Variants in CAGE1 observed in about 807,000 individuals in gnomAD.
The protein encoded by CAGE1 is cancer antigen 1, also known as cancer-associated gene 1 protein.
CAGE1 carries 66 observed loss-of-function variants against 94.9 expected under a neutral mutation model. The ratio of observed to expected loss-of-function variants is 0.70; its 90% CI spans 0.57 to 0.85. The LOEUF (loss-of-function observed/expected upper bound fraction) is 0.85, where lower values mean the gene tolerates loss of function less well. Ranked by LOEUF, CAGE1 falls within the 40% of genes least tolerant of loss-of-function variation. The pLI, the probability that CAGE1 is intolerant of heterozygous loss-of-function variation, is 0.00. For synonymous variants in CAGE1, 319 were observed against 321.0 expected (o/e 0.99, Z 0.07); for missense variants, 865 against 950.4 (o/e 0.91, Z 1.18).
At chr6:7,354,636 C>G (rs1200851789) in intron 11 of CAGE1, among the ~76,000 whole-genome samples, 1 of 152,120 alleles carries the variant, frequency 6.6e-6, no homozygotes, top group East Asian at 1.9e-4. Flanking sequence ...GTGTTTCATG[C>G]TGAATCCCAT....
chr6:7,331,850 CATGACTT>C (rs1157683132), intron 12 of CAGE1, among the ~76,000 whole-genome samples: 1 of 152,214 alleles, frequency 6.6e-6, no homozygotes, highest in African/African-American at 2.4e-5. Flanking sequence ...GCTGAACAAA[CATGACTT>C]ATGACAAAAC....
At chr6:7,327,701 C>T (rs1758582693) in intron 13 of CAGE1, among the ~76,000 whole-genome samples, 2 of 152,078 alleles carry the variant, frequency 1.3e-5, no homozygotes, top group Non-Finnish European at 2.9e-5. Flanking sequence ...GAGGCTGAGG[C>T]AGGCGGACCA....
chr6:7,387,448 G>A (rs1057007901), intron 1 of CAGE1, among the ~76,000 whole-genome samples: 1 of 152,106 alleles, frequency 6.6e-6, no homozygotes, highest in Non-Finnish European at 1.5e-5. Flanking sequence ...TAGAAGTGAA[G>A]GGATCTCTGT....
In CAGE1 at chr6:7,339,318, A is replaced by G; in HGVS notation, c.2370-5228T>C. The G allele has an allele frequency of 6.3e-7, 1 of 1,588,880 alleles. No individual in the cohort carries two copies. The highest frequency in any genetic ancestry group is 8.6e-7 in the Non-Finnish European group (1 of 1,157,520). On this transcript the variant is annotated intron_variant, in intron 11 of 13. Coordinates refer to ENST00000502583, the MANE Select transcript of CAGE1 (RefSeq NM_001170692.2). This position sits in a 1 kb window ranked among gnomAD's most constrained non-coding sequence, Gnocchi z 4.7. ...GGCCACCTCTTCAGCATAAAGCTCT[A>G]CACTGCCCTCTGGAGAGCCAAACCT...
intron 7 of CAGE1, among the ~76,000 whole-genome samples, chr6:7,366,726 T>C (rs1285438336): frequency 6.6e-6 from 1 of 152,112 alleles, no homozygotes; most frequent in Non-Finnish European, 1.5e-5. Flanking sequence ...GATGCCCCTG[T>C]GCCTTTCCCT....
chr6:7,389,663 G>A lies in CAGE1; in HGVS notation c.-485C>T, dbSNP rs1761268612. 2.4e-6 allele frequency: 1 copy of A among 411,026 alleles called. No homozygotes were observed. Among genetic ancestry groups the A allele is most frequent in the South Asian group, 2.6e-5 (1 of 38,410 alleles). 25.5% of individuals were successfully genotyped at this position (411,026 alleles called of 1,614,324 possible). A position where few individuals can be genotyped will look rare whatever the true frequency, so the allele number is the denominator to read the frequency against. On this transcript the variant is annotated 5_prime_UTR_variant, in exon 1 of 14. Coordinates refer to ENST00000502583, the MANE Select transcript of CAGE1 (RefSeq NM_001170692.2). ...GGAAGAAACGGCCAGCACGGGCCTCGCCGTGCCGGCTACTCAACACGCCTT... is the reference window on the plus strand; with the variant it reads ...GGAAGAAACGGCCAGCACGGGCCTCACCGTGCCGGCTACTCAACACGCCTT...
At chr6:7,350,390 G>A (rs1025695249) in intron 11 of CAGE1, among the ~76,000 whole-genome samples, 9 of 152,128 alleles carry the variant, frequency 5.9e-5, no homozygotes, top group East Asian at 1.9e-4. Context: ...GGAGTTAAAC[G>A]ATACCTTGGA....
intron 3 of CAGE1, among the ~76,000 whole-genome samples, chr6:7,385,091 C>T (rs1302645700): frequency 2.0e-5 from 3 of 152,052 alleles, no homozygotes; most frequent in African/African-American, 7.2e-5. Flanking sequence ...CAGCAACCTC[C>T]ACCTCCTGGG....
intron 11 of CAGE1, among the ~76,000 whole-genome samples, chr6:7,345,869 G>T (rs574970833): frequency 6.6e-6 from 1 of 152,262 alleles, no homozygotes; most frequent in South Asian, 2.1e-4. Context: ...AGCTTGCAGT[G>T]AGCCGATACT....
chr6:7,381,636 C>A (rs771405352), intron 3 of CAGE1, among the ~76,000 whole-genome samples: 2 of 149,930 alleles, frequency 1.3e-5, no homozygotes, highest in Non-Finnish European at 3.0e-5. Flanking sequence ...TCAAGCAATT[C>A]TCATGCCTCA....
intron 11 of CAGE1, among the ~76,000 whole-genome samples, chr6:7,344,307 TC>T (rs1184355610): frequency 1.3e-5 from 2 of 152,182 alleles, no homozygotes; most frequent in Non-Finnish European, 2.9e-5. Context: ...GGTCCCGCAC[TC>T]GGAGCAGCCA....
At chr6:7,327,301 C>A (rs567947724) in intron 13 of CAGE1, among the ~76,000 whole-genome samples, 1 of 152,212 alleles carries the variant, frequency 6.6e-6, no homozygotes, top group African/African-American at 2.4e-5. Flanking sequence ...GATCTGTCCA[C>A]CTCAGCCTCC....
chr6:7,339,598 G>A lies in CAGE1; in HGVS notation c.2370-5508C>T, dbSNP rs1054443146. On this transcript the variant is annotated intron_variant, in intron 11 of 13. Coordinates refer to ENST00000502583, the MANE Select transcript of CAGE1 (RefSeq NM_001170692.2). This position sits in a 1 kb window ranked among gnomAD's most constrained non-coding sequence, Gnocchi z 4.7. ...CCGCCATGCTCCGCTGAAAGGAAAG[G>A]CACTGTATCATTCTTATGCCTTTGT... 1.4e-6 allele frequency: 1 copy of A among 716,926 alleles called. No individual in the cohort carries two copies. The highest frequency in any genetic ancestry group is 1.9e-5 in the Admixed American group (1 of 52,390). 44.4% of individuals were successfully genotyped at this position (716,926 alleles called of 1,614,324 possible).
intron 11 of CAGE1, among the ~76,000 whole-genome samples, chr6:7,335,634 T>C (rs552544057): frequency 3.9e-5 from 6 of 152,368 alleles, no homozygotes; most frequent in African/African-American, 1.2e-4. Context: ...GGCTGGAATA[T>C]AGTGGTGCAA....
chr6:7,380,094 G>T (rs548300791), intron 3 of CAGE1, among the ~76,000 whole-genome samples: 1 of 152,114 alleles, frequency 6.6e-6, no homozygotes, highest in South Asian at 2.1e-4. Context: ...ATTTTCATAC[G>T]GGACTTGCTT....
At chr6:7,330,431 C>T (rs1037438438) in intron 12 of CAGE1, among the ~76,000 whole-genome samples, 38 of 152,230 alleles carry the variant, frequency 2.5e-4, no homozygotes, top group African/African-American at 8.7e-4. Context: ...GGCACACTCT[C>T]ACTACATTTA....
chr6:7,366,720 C>A (rs1340311468), intron 7 of CAGE1, among the ~76,000 whole-genome samples: 7 of 152,030 alleles, frequency 4.6e-5, no homozygotes, highest in Non-Finnish European at 7.4e-5. Flanking sequence ...CTAGACGATG[C>A]CCCTGTGCCT....
chr6:7,370,444 C>T (rs1024413880), intron 5 of CAGE1, among the ~76,000 whole-genome samples: 1 of 152,056 alleles, frequency 6.6e-6, no homozygotes, highest in African/African-American at 2.4e-5. Flanking sequence ...CAGGTGCATG[C>T]CACCACACTC....
intron 7 of CAGE1, 65 bp from the exon 8 acceptor site, chr6:7,365,949 A>G: frequency 9.9e-7 from 1 of 1,013,578 alleles, no homozygotes; most frequent in South Asian, 1.6e-5. Flanking sequence ...TATTTATAAT[A>G]AAATAATCAA....
Sources: gnomAD v4.1 joint callset for allele counts (sites outside exome capture counted in the v4.1 genomes callset) on GRCh38, gnomAD v4.1.1 for gene constraint, Gnocchi (gnomAD v3.1) non-coding constraint, MANE v1.5 for transcripts, NCBI Gene and HGNC (gene_info 2026-07-23, HGNC 2026-07-21) for gene names.